The following DESI2 variants were observed in gnomAD, a reference collection of about 807,000 sequenced individuals.
DESI2 encodes desumoylating isopeptidase 2.
In DESI2, 10 loss-of-function variants were observed where a neutral mutation model predicts 24.1. The ratio of observed to expected loss-of-function variants is 0.41; its 90% CI spans 0.26 to 0.70. The LOEUF (loss-of-function observed/expected upper bound fraction) is 0.70. DESI2 is among the 30% of genes least tolerant of loss of function. DESI2 has a pLI of 0.29. For synonymous variants in DESI2, 71 were observed against 87.7 expected, an observed-to-expected ratio of 0.81 and a Z score of 1.06; for missense variants, 122 against 234.9, an observed-to-expected ratio of 0.52 and a Z score of 3.14.
At chr1:244,676,084 A>T (rs1020720751) in intron 1 of DESI2, among the ~76,000 whole-genome samples, 2 of 150,090 alleles carry the variant, frequency 1.3e-5, no homozygotes, top group African/African-American at 4.9e-5. Flanking sequence ...AATACAATCA[A>T]TTTTTTTTTT....
intron 4 of DESI2, 96 bp downstream of exon 4, chr1:244,692,116 T>G: frequency 8.9e-7 from 1 of 1,117,490 alleles, no homozygotes; most frequent in South Asian, 1.5e-5. Flanking sequence ...TCACTTCTTT[T>G]CCGATTTTTT....
intron 4 of DESI2, 29 bp from the exon 5 acceptor site, chr1:244,705,527 C>G (rs1344276505): frequency 6.3e-7 from 1 of 1,589,888 alleles, no homozygotes; most frequent in Non-Finnish European, 8.6e-7. Context: ...ACCTCTCTTA[C>G]CTAATACAGA....
intron 1 of DESI2, among the ~76,000 whole-genome samples, chr1:244,665,158 A>G (rs1675999021): frequency 6.6e-6 from 1 of 151,942 alleles, no homozygotes; most frequent in Non-Finnish European, 1.5e-5. Context: ...TTCCGATATT[A>G]ATACCTGATT....
chr1:244,687,539 G>T (rs1461638814), intron 2 of DESI2, among the ~76,000 whole-genome samples: 1 of 152,266 alleles, frequency 6.6e-6, no homozygotes, highest in African/African-American at 2.4e-5. Context: ...TTTACTGAGG[G>T]TTACCCCTGA....
At chr1:244,703,000 CT>C (rs72210181) in intron 4 of DESI2, among the ~76,000 whole-genome samples, 50,834 of 131,420 alleles carry the variant, frequency 0.39, 10,248 homozygotes, top group Middle Eastern at 0.52. Flanking sequence ...TTTGCCAGCG[CT>C]TTTTTTTTTT....
intron 1 of DESI2, among the ~76,000 whole-genome samples, chr1:244,682,905 C>T (rs1011169053): frequency 6.6e-6 from 1 of 151,172 alleles, no homozygotes; most frequent in Non-Finnish European, 1.5e-5. Flanking sequence ...GTAAGGCAAA[C>T]TCTTTTCAAG....
chr1:244,699,349 C>T (rs950375727), intron 4 of DESI2, among the ~76,000 whole-genome samples: 4 of 151,832 alleles, frequency 2.6e-5, no homozygotes, highest in Admixed American at 6.6e-5. Context: ...TTTAGGAGGC[C>T]CAGGCAGGCA....
At chr1:244,659,206 G>A (rs936987618) in intron 1 of DESI2, among the ~76,000 whole-genome samples, 1 of 150,200 alleles carries the variant, frequency 6.7e-6, no homozygotes, top group African/African-American at 2.5e-5. Flanking sequence ...AAGGGGGTGG[G>A]GGAAGCTAGT....
At chr1:244,667,341 A>G (rs1227072217) in intron 1 of DESI2, among the ~76,000 whole-genome samples, 1 of 152,136 alleles carries the variant, frequency 6.6e-6, no homozygotes, top group Non-Finnish European at 1.5e-5. Context: ...AATTGGCCAA[A>G]ACAGAGGGGT....
At chr1:244,699,210 C>T (rs933125302) in intron 4 of DESI2, among the ~76,000 whole-genome samples, 9 of 152,110 alleles carry the variant, frequency 5.9e-5, no homozygotes, top group African/African-American at 2.2e-4. Context: ...TCTCTAAAAC[C>T]ATTTTGAAAT....
intron 1 of DESI2, 132 bp downstream of exon 1, chr1:244,653,487 G>A: frequency 1.1e-6 from 1 of 871,602 alleles, no homozygotes; most frequent in Admixed American, 3.4e-5. Context: ...GGGGAAGCCG[G>A]GGGTGAAGGA....
At chr1:244,657,157 A>T (rs1280847642) in intron 1 of DESI2, among the ~76,000 whole-genome samples, 1 of 152,226 alleles carries the variant, frequency 6.6e-6, no homozygotes, top group Non-Finnish European at 1.5e-5. Context: ...GGACACTTCA[A>T]ATAAGGACAT....
chr1:244,696,767 A>G (rs1386365793), intron 4 of DESI2, among the ~76,000 whole-genome samples: 1 of 152,218 alleles, frequency 6.6e-6, no homozygotes, highest in Non-Finnish European at 1.5e-5. Flanking sequence ...GACTTCTGTA[A>G]GGTTCTCATC....
intron 1 of DESI2, among the ~76,000 whole-genome samples, chr1:244,664,028 A>AT (rs1675953679): frequency 1.3e-5 from 2 of 149,660 alleles, no homozygotes; most frequent in Non-Finnish European, 3.0e-5. Flanking sequence ...AGGAAAAAAA[A>AT]AAAAAAAAAA....
chr1:244,703,938 T>C (rs1407339170), intron 4 of DESI2, among the ~76,000 whole-genome samples: 4 of 152,094 alleles, frequency 2.6e-5, no homozygotes, highest in South Asian at 2.1e-4. Flanking sequence ...GAATTACAGG[T>C]GTGAGCCACC....
At chr1:244,662,370 A>G (rs1304415121) in intron 1 of DESI2, among the ~76,000 whole-genome samples, 1 of 152,172 alleles carries the variant, frequency 6.6e-6, no homozygotes, top group Admixed American at 6.5e-5. Flanking sequence ...AAAAATGTCT[A>G]TTCAAGTCCT....
chr1:244,704,784 G>A (rs534804036), intron 4 of DESI2, among the ~76,000 whole-genome samples: 4 of 152,172 alleles, frequency 2.6e-5, no homozygotes, highest in Non-Finnish European at 5.9e-5. Flanking sequence ...CCAGCCTCCC[G>A]AGTATCTGGG....
rs1675517421 is a variant in DESI2 at position 244,653,181 on chromosome 1, C to T, written c.-133C>T. 2.2e-6 allele frequency: 2 copies of T among 912,830 alleles called. No homozygotes were observed. The highest frequency in any genetic ancestry group is 4.1e-5 in the Admixed American group (1 of 24,220). The allele number at this position is 912,830 out of a possible 1,614,324, so 56.5% of individuals were successfully genotyped here. On this transcript the variant is annotated 5_prime_UTR_variant, in exon 1 of 5. Coordinates refer to ENST00000302550, the MANE Select transcript of DESI2 (RefSeq NM_016076.5). ...GCTCGGCTGCCCGATGCTTCCGCCC[C>T]GGCTGCCGCGGGCCGGGCTGTACGC...
At chr1:244,694,592 C>T in intron 4 of DESI2, 1 of 846,752 alleles carries the variant, frequency 1.2e-6, no homozygotes, top group Non-Finnish European at 2.1e-6. Context: ...TATACTTTCT[C>T]TTGCGCTTGG....
Sources: gnomAD v4.1 joint callset for allele counts (sites outside exome capture counted in the v4.1 genomes callset) on GRCh38, gnomAD v4.1.1 for gene constraint, MANE v1.5 for transcripts, NCBI Gene and HGNC (gene_info 2026-07-23, HGNC 2026-07-21) for gene names.